CFAP20DC: variants seen among roughly 807,000 people sequenced by gnomAD.
The protein encoded by CFAP20DC is CFAP20 domain containing.
CFAP20DC carries 84 observed loss-of-function variants against 101.7 expected under a neutral mutation model. The observed-to-expected ratio is 0.83, with a 90% CI of 0.69 to 0.99. The LOEUF (loss-of-function observed/expected upper bound fraction) is 0.99. Among genes scored for constraint, CFAP20DC ranks in the 50% least tolerant of loss-of-function variants. The probability of loss-of-function intolerance (pLI) is 0.00; values close to 1 mark genes in which losing one functional copy is unlikely to be tolerated. For missense variants in CFAP20DC, 1,007 were observed against 970.3 expected (o/e 1.04, Z -0.50); for synonymous variants, 359 against 351.2 (o/e 1.02, Z -0.25).
At chr3:59,036,469 C>T (rs1451442681) in intron 4 of CFAP20DC, among the ~76,000 whole-genome samples, 3 of 152,092 alleles carry the variant, frequency 2.0e-5, no homozygotes, top group South Asian at 2.1e-4. Flanking sequence ...AATCAATGTG[C>T]AAAAATCATA....
At chr3:58,940,107 C>G (rs1054782279) in intron 4 of CFAP20DC, among the ~76,000 whole-genome samples, 31 of 152,148 alleles carry the variant, frequency 2.0e-4, no homozygotes, top group African/African-American at 7.0e-4. Flanking sequence ...GAGTCAAACT[C>G]CAAATGGAGG....
intron 4 of CFAP20DC, among the ~76,000 whole-genome samples, chr3:58,973,489 T>C (rs190321719): frequency 1.3e-5 from 2 of 152,314 alleles, no homozygotes; most frequent in Non-Finnish European, 2.9e-5. Context: ...CTCTAGTCAA[T>C]ACCCTCAAGA....
At chr3:58,796,021 T>TTGGGCAGG (rs1342946712) in intron 15 of CFAP20DC, among the ~76,000 whole-genome samples, 1 of 152,102 alleles carries the variant, frequency 6.6e-6, no homozygotes, top group Non-Finnish European at 1.5e-5. Context: ...CAAATAAATC[T>TTGGGCAGG]TGGGCAGGTG....
intron 14 of CFAP20DC, among the ~76,000 whole-genome samples, chr3:58,815,290 A>G (rs1241897877): frequency 1.3e-5 from 2 of 150,148 alleles, no homozygotes; most frequent in Non-Finnish European, 3.0e-5. Context: ...GGTGCTGGGA[A>G]AACTGGCTAG....
chr3:59,044,801 C>G (rs1036229669), intron 3 of CFAP20DC, among the ~76,000 whole-genome samples: 1 of 151,998 alleles, frequency 6.6e-6, no homozygotes, highest in East Asian at 1.9e-4. Flanking sequence ...TGGCTTAGAA[C>G]AAAGTCATAT....
intron 6 of CFAP20DC, among the ~76,000 whole-genome samples, chr3:58,908,871 C>A (rs190797393): frequency 6.6e-6 from 1 of 151,944 alleles, no homozygotes; most frequent in Non-Finnish European, 1.5e-5. Flanking sequence ...ACCTTAAATG[C>A]GTATTACTAA....
At chr3:59,033,009 G>A (rs1233559027) in intron 4 of CFAP20DC, among the ~76,000 whole-genome samples, 1 of 152,068 alleles carries the variant, frequency 6.6e-6, no homozygotes, top group East Asian at 1.9e-4. Flanking sequence ...AGGAACAGGC[G>A]GCAATCTTTG....
intron 6 of CFAP20DC, among the ~76,000 whole-genome samples, chr3:58,890,722 A>G (rs2082143731): frequency 6.9e-6 from 1 of 145,838 alleles, no homozygotes; most frequent in East Asian, 2.1e-4. Flanking sequence ...GCGGCCGGGC[A>G]GAGACGCTCC....
intron 4 of CFAP20DC, among the ~76,000 whole-genome samples, chr3:58,956,791 G>C (rs1315976406): frequency 2.6e-5 from 4 of 152,168 alleles, no homozygotes; most frequent in African/African-American, 2.4e-5. Flanking sequence ...TTACCATCAT[G>C]GCAGAAGGGG....
chr3:58,808,891 C>T lies in CFAP20DC; in HGVS notation c.2176-2435G>A, dbSNP rs1350539012. Among the ~76,000 whole-genome samples the T allele has an allele frequency of 6.6e-5, 10 of 151,678 alleles. No individual in the cohort carries two copies. In the East Asian group the frequency reaches 1.5e-3, roughly 23 times the overall value. On this transcript the variant is annotated intron_variant, in intron 14 of 16. Transcript: ENST00000482387. ...GAAGATCTACCAAGCAAACGGAAAA[C>T]AAAAAAAGGCAGGGGTTGCAATCCT...
At chr3:58,803,624 G>A (rs2073860467) in intron 15 of CFAP20DC, among the ~76,000 whole-genome samples, 1 of 151,988 alleles carries the variant, frequency 6.6e-6, no homozygotes, top group African/African-American at 2.4e-5. Context: ...ATCATCTTCT[G>A]TATTTATGGC....
At chr3:58,940,600 T>C (rs957486902) in intron 4 of CFAP20DC, among the ~76,000 whole-genome samples, 3 of 152,190 alleles carry the variant, frequency 2.0e-5, no homozygotes, top group Non-Finnish European at 4.4e-5. Flanking sequence ...GTGTGTGAGG[T>C]TGTATTTCTG....
Position 58,788,554 on chromosome 3 carries a change from TG to T in CFAP20DC, c.2237+17840del, listed in dbSNP as rs2072582792. On this transcript the variant is annotated intron_variant, in intron 15 of 16. Transcript: ENST00000482387. The surrounding 1 kb of genome is among the most constrained non-coding windows in gnomAD (Gnocchi z 4.2). ...AAAATGGGATGCTAACATATTCCCG[TG>T]CTGCATGTCTGGATGAACACATGGC... 6.6e-6 allele frequency among the ~76,000 whole-genome samples: 1 copy of T among 152,162 alleles called. No individual in the cohort carries two copies. The highest frequency in any genetic ancestry group is 6.6e-5 in the Admixed American group (1 of 15,244).
At chr3:59,048,026 C>A (rs1156331830) in intron 1 of CFAP20DC, among the ~76,000 whole-genome samples, 3 of 152,164 alleles carry the variant, frequency 2.0e-5, no homozygotes, top group African/African-American at 7.2e-5. Context: ...ATTGTGTCTA[C>A]AGACAGCCTA....
chr3:58,930,635 T>C (rs1243935126), intron 5 of CFAP20DC, among the ~76,000 whole-genome samples: 1 of 152,214 alleles, frequency 6.6e-6, no homozygotes, highest in African/African-American at 2.4e-5. Flanking sequence ...GGACAGAGCC[T>C]TAAACAAGAA....
chr3:58,810,392 G>C (rs2074510848), intron 14 of CFAP20DC, among the ~76,000 whole-genome samples: 1 of 152,086 alleles, frequency 6.6e-6, no homozygotes, highest in Admixed American at 6.6e-5. Context: ...TGCAAGGCTG[G>C]TTCAATATAC....
chr3:59,035,485 A>T (rs1242532878), intron 4 of CFAP20DC, among the ~76,000 whole-genome samples: 1 of 152,196 alleles, frequency 6.6e-6, no homozygotes, highest in African/African-American at 2.4e-5. Context: ...AATCAAAAAG[A>T]CACAATAAAA....
intron 14 of CFAP20DC, among the ~76,000 whole-genome samples, chr3:58,809,725 A>G (rs948156929): frequency 1.3e-5 from 2 of 152,214 alleles, no homozygotes; most frequent in Admixed American, 6.5e-5. Context: ...AGGGAAATAG[A>G]AACACAAAAA....
chr3:59,033,083 TC>T (rs1328899092), intron 4 of CFAP20DC, among the ~76,000 whole-genome samples: 1 of 151,886 alleles, frequency 6.6e-6, no homozygotes, highest in African/African-American at 2.4e-5. Context: ...CACTGCAAAC[TC>T]CAGCAGACCT....
Sources: gnomAD v4.1 joint callset for allele counts (sites outside exome capture counted in the v4.1 genomes callset) on GRCh38, gnomAD v4.1.1 for gene constraint, Gnocchi (gnomAD v3.1) non-coding constraint, MANE v1.5 for transcripts, NCBI Gene and HGNC (gene_info 2026-07-23, HGNC 2026-07-21) for gene names.